The following ZBP1 variants were observed in gnomAD, a reference collection of about 807,000 sequenced individuals.
The protein encoded by ZBP1 is Z-DNA binding protein 1, also known as Z-DNA-binding protein 1.
In ZBP1, 42 loss-of-function variants were observed where a neutral mutation model predicts 41.1. The observed-to-expected ratio is 1.02, with a 90% CI of 0.80 to 1.32. The LOEUF is 1.32. ZBP1 is among the 40% of genes most tolerant of loss of function. The pLI is 0.00. For missense variants in ZBP1, 562 were observed against 549.7 expected (o/e 1.02, Z -0.22); for synonymous variants, 214 against 205.2 (o/e 1.04, Z -0.37).
At chr20:57,612,836 C>G in intron 5 of ZBP1, 1 of 1,066,966 alleles carries the variant, frequency 9.4e-7, no homozygotes, top group Non-Finnish European at 1.2e-6. Flanking sequence ...TGAAAAACAC[C>G]GGACCCCATT....
chr20:57,613,105 A>C lies in ZBP1; in HGVS notation c.670+58T>G, dbSNP rs1231212238. The C allele has an allele frequency of 1.4e-5, 23 of 1,599,648 alleles. No individual in the cohort carries two copies. Among genetic ancestry groups the C allele is most frequent in the East Asian group, 1.1e-4 (5 of 44,106 alleles). On this transcript the variant is annotated intron_variant, in intron 5 of 7. Coordinates refer to ENST00000371173, the MANE Select transcript of ZBP1 (RefSeq NM_030776.3). This position sits in a 1 kb window ranked among gnomAD's most constrained non-coding sequence, Gnocchi z 4.5. ...CCATCCCTACCCTTTGCCCCCACCC[A>C]GAGGATCCGGTGGCTCCCCACCGAG... is the stretch of plus-strand genomic sequence containing the variant.
chr20:57,616,856 A>G, intron 1 of ZBP1: 1 of 255,680 alleles, frequency 3.9e-6, no homozygotes, highest in South Asian at 4.7e-5. Flanking sequence ...CGCAAAGGCA[A>G]GTCCTGCCTG....
rs2146570716 is a variant in ZBP1 at position 57,610,939 on chromosome 20, G to A, written c.875-572C>T. Among the ~76,000 whole-genome samples, 1 of 152,186 alleles carries A rather than the reference G, an allele frequency of 6.6e-6. No individual in the cohort carries two copies. The highest frequency in any genetic ancestry group is 1.9e-4 in the East Asian group (1 of 5,192). ...GTCTCACCAGCCTGGCCCCTCTCTG[G>A]AGACTCCTTTCCCGGGGCCTCTGCT... On this transcript the variant is annotated intron_variant, in intron 6 of 7. Coordinates refer to ENST00000371173, the MANE Select transcript of ZBP1 (RefSeq NM_030776.3). This position sits in a 1 kb window ranked among gnomAD's most constrained non-coding sequence, Gnocchi z 5.5.
chr20:57,615,044 C>T lies in ZBP1; in HGVS notation c.345G>A (p.Arg115=). Residue 115 remains arginine, a synonymous_variant, in exon 4 of 8, where the codon AGG becomes AGA. Transcript: ENST00000371173. ...TCTGGGGACCATTGTCTTTGAGAAA[C>T]CTGTAGATGTCTTCCTCTGGGAGGC... ...FSQQREEDIY[R]FLKDNGPQRA... 6.2e-7 allele frequency: 1 copy of T among 1,614,178 alleles called. No individual in the cohort carries two copies.
intron 2 of ZBP1, 101 bp from the exon 3 acceptor site, chr20:57,615,681 C>A: frequency 1.0e-6 from 1 of 989,896 alleles, no homozygotes; most frequent in South Asian, 1.6e-5. Context: ...GTGGCAATGC[C>A]GGTAGTTGCA....
Position 57,610,440 on chromosome 20 carries a change from T to C in ZBP1, c.875-73A>G. ...TGGCCGGGAACCCTGACCCCCAGCCTGGTTCACCCTCCTCCCCAGATCTCC... is the reference window on the plus strand; with the variant it reads ...TGGCCGGGAACCCTGACCCCCAGCCCGGTTCACCCTCCTCCCCAGATCTCC... On this transcript the variant is annotated intron_variant, in intron 6 of 7. Transcript: ENST00000371173. This position sits in a 1 kb window ranked among gnomAD's most constrained non-coding sequence, Gnocchi z 5.5. The C allele has an allele frequency of 2.0e-6, 3 of 1,518,786 alleles. No homozygotes were observed. The highest frequency in any genetic ancestry group is 2.7e-6 in the Non-Finnish European group (3 of 1,099,776). 94.1% of individuals were successfully genotyped at this position (1,518,786 alleles called of 1,614,324 possible). A position where few individuals can be genotyped will look rare whatever the true frequency, so the allele number is the denominator to read the frequency against.
intron 2 of ZBP1, 101 bp from the exon 3 acceptor site, chr20:57,615,681 C>T (rs546072210): frequency 8.1e-5 from 80 of 989,896 alleles, no homozygotes; most frequent in African/African-American, 4.8e-4. Flanking sequence ...GTGGCAATGC[C>T]GGTAGTTGCA....
rs562311638 is a variant in ZBP1, at chr20:57,610,541, G to C, written c.875-174C>G. 4 of 644,868 alleles carry C rather than the reference G, an allele frequency of 6.2e-6. No individual in the cohort carries two copies. Among genetic ancestry groups the C allele is most frequent in the African/African-American group, 5.5e-5 (3 of 54,704 alleles). The allele number at this position is 644,868 out of a possible 1,614,324, so 39.9% of individuals were successfully genotyped here. ...ACCTCCACCCGCCACACCTCCGCTC[G>C]TGCTGTTGTGCTGTCTGGGAAGCGT... On this transcript the variant is annotated intron_variant, in intron 6 of 7. Coordinates refer to ENST00000371173, the MANE Select transcript of ZBP1 (RefSeq NM_030776.3). The surrounding 1 kb of genome is among the most constrained non-coding windows in gnomAD (Gnocchi z 5.5).
chr20:57,615,785 G>A, intron 2 of ZBP1: 1 of 550,394 alleles, frequency 1.8e-6, no homozygotes, highest in Non-Finnish European at 3.2e-6. Flanking sequence ...CCGGGGCTCA[G>A]CCTCCTTTGC....
intron 7 of ZBP1, among the ~76,000 whole-genome samples, chr20:57,607,713 C>G (rs544502069): frequency 6.6e-6 from 1 of 152,312 alleles, no homozygotes; most frequent in East Asian, 1.9e-4. Flanking sequence ...CTTCAGCAAC[C>G]ACCACCCTGA....
chr20:57,606,158 C>A (rs1484051480), intron 7 of ZBP1, among the ~76,000 whole-genome samples: 2 of 152,222 alleles, frequency 1.3e-5, no homozygotes, highest in African/African-American at 4.8e-5. Context: ...CTTACTTCAG[C>A]AAACACATGA....
rs34964609 is a variant in ZBP1, at chr20:57,616,295, C to T, written c.208G>A (p.Gly70Arg). ...LTSPATWCLG[G>R]TDPEGEGPAE... The stretch of plus-strand genomic sequence containing the variant: ...GGACCCTCGCCTTCAGGATCAGTCC[C>T]GCCCAAGCACCAGGTGGCAGGGGAT... The change falls in exon 2 of 8, where the codon GGG becomes AGG. Residue 70 changes from glycine (G) to arginine (R), a missense_variant. Coordinates refer to ENST00000371173, the MANE Select transcript of ZBP1 (RefSeq NM_030776.3). 1.7e-3 allele frequency: 2,812 copies of T among 1,614,150 alleles called. 25 individuals carry two copies. The highest frequency in any genetic ancestry group is 0.013 in the African/African-American group (990 of 75,026).
rs750559698 is a variant in ZBP1, at chr20:57,610,399, A to G, written c.875-32T>C. The G allele has an allele frequency of 1.2e-6, 2 of 1,611,838 alleles. No homozygotes were observed. The highest frequency in any genetic ancestry group is 2.2e-5 in the South Asian group (2 of 91,056). ...GTCAAAGGGAGAGAGGCCTGGAGCC[A>G]GGAGCAGCTGGACAGTGGCCGGGAA... is the stretch of plus-strand genomic sequence containing the variant. On this transcript the variant is annotated intron_variant, in intron 6 of 7. Transcript: ENST00000371173. The surrounding 1 kb of genome is among the most constrained non-coding windows in gnomAD (Gnocchi z 5.5).
At chr20:57,615,626 C>T (rs768853940) in intron 2 of ZBP1, 46 bp from the exon 3 acceptor site, 2 of 1,561,798 alleles carry the variant, frequency 1.3e-6, no homozygotes, top group Non-Finnish European at 1.7e-6. Flanking sequence ...CAGAAGACAG[C>T]ACCAGGCCTC....
rs749521864 is a variant in ZBP1, at chr20:57,611,932, T to C, written c.671-2A>G. 2.5e-5 allele frequency: 39 copies of C among 1,554,126 alleles called. No homozygotes were observed. Among genetic ancestry groups the C allele is most frequent in the Non-Finnish European group, 3.0e-5 (35 of 1,148,288 alleles). ...GGAGGTGGCGTGGACCGGCGGAACCTGGCAGGGGACAGTGGCACAGCCTCA... is the reference window on the plus strand; with the variant it reads ...GGAGGTGGCGTGGACCGGCGGAACCCGGCAGGGGACAGTGGCACAGCCTCA... On this transcript the variant is annotated splice_acceptor_variant, in intron 5 of 7. Coordinates refer to ENST00000371173, the MANE Select transcript of ZBP1 (RefSeq NM_030776.3). LOFTEE classifies it high-confidence loss of function.
intron 1 of ZBP1, 51 bp from the exon 2 acceptor site, chr20:57,616,519 C>T (rs2070836342): frequency 6.2e-7 from 1 of 1,602,252 alleles, no homozygotes; most frequent in East Asian, 2.2e-5. Context: ...CCCAGGTCCC[C>T]ACAGTTGAGC....
chr20:57,604,829 G>T, intron 7 of ZBP1, 60 bp from the exon 8 acceptor site: 1 of 1,492,906 alleles, frequency 6.7e-7, no homozygotes, highest in Non-Finnish European at 9.2e-7. Context: ...ATTTCCACAG[G>T]GACCCGCTCT....
chr20:57,618,602 T>C (rs73301339), intron 1 of ZBP1, among the ~76,000 whole-genome samples: 39 of 152,332 alleles, frequency 2.6e-4, no homozygotes, highest in African/African-American at 9.1e-4. Context: ...GGTTTTGAGA[T>C]GGAATTTCGT....
At chr20:57,607,990 G>A (rs1319751351) in intron 7 of ZBP1, among the ~76,000 whole-genome samples, 1 of 152,184 alleles carries the variant, frequency 6.6e-6, no homozygotes, top group Non-Finnish European at 1.5e-5. Flanking sequence ...ATATCTCTGA[G>A]CTATGCCTAT....
Sources: gnomAD v4.1 joint callset for allele counts (sites outside exome capture counted in the v4.1 genomes callset) on GRCh38, gnomAD v4.1.1 for gene constraint, Gnocchi (gnomAD v3.1) non-coding constraint, MANE v1.5 for transcripts, NCBI Gene and HGNC (gene_info 2026-07-23, HGNC 2026-07-21) for gene names.